The following ZMAT4 variants were observed in gnomAD, a reference collection of about 807,000 sequenced individuals.
ZMAT4 encodes zinc finger matrin-type protein 4.
ZMAT4 carries 17 observed loss-of-function variants against 28.7 expected under a neutral mutation model. The ratio of observed to expected loss-of-function variants is 0.59; its 90% CI spans 0.41 to 0.89. The LOEUF is 0.89. ZMAT4 is among the 40% of genes least tolerant of loss of function. ZMAT4 has a pLI of 0.00. For synonymous variants in ZMAT4, 117 were observed against 109.2 expected, an observed-to-expected ratio of 1.07 and a Z score of -0.44; for missense variants, 240 against 283.8, an observed-to-expected ratio of 0.85 and a Z score of 1.11.
chr8:40,803,611 C>T (rs1814948739), intron 2 of ZMAT4, among the ~76,000 whole-genome samples: 1 of 152,164 alleles, frequency 6.6e-6, no homozygotes, highest in Non-Finnish European at 1.5e-5. Flanking sequence ...GCATCAGGAG[C>T]TCTCATCATT....
intron 6 of ZMAT4, among the ~76,000 whole-genome samples, chr8:40,543,064 T>C (rs1156782286): frequency 6.6e-6 from 1 of 151,932 alleles, no homozygotes; most frequent in African/African-American, 2.4e-5. Flanking sequence ...AAATGACAAA[T>C]CCACAGATAG....
chr8:40,569,003 T>A (rs1233761869), intron 6 of ZMAT4, among the ~76,000 whole-genome samples: 1 of 152,170 alleles, frequency 6.6e-6, no homozygotes, highest in Non-Finnish European at 1.5e-5. Context: ...CTATAATCAC[T>A]TTGCATTGCC....
chr8:40,787,118 T>C (rs1170423119), intron 2 of ZMAT4, among the ~76,000 whole-genome samples: 1 of 152,238 alleles, frequency 6.6e-6, no homozygotes, highest in Non-Finnish European at 1.5e-5. Context: ...CCGTATTCAT[T>C]ATATGGAGAC....
chr8:40,612,805 G>GT lies in ZMAT4; in HGVS notation c.578-31545dup, dbSNP rs1491257030. Reference sequence around the variant, plus strand: ...CTACCCAGTCATTCTCTGTATTTTGGTTTTTGTTTTTTTTTTTTTTTTTTG... The same window carrying GT: ...CTACCCAGTCATTCTCTGTATTTTGGTTTTTTGTTTTTTTTTTTTTTTTTTG... On this transcript the variant is annotated intron_variant, in intron 5 of 6. Coordinates refer to ENST00000297737, the MANE Select transcript of ZMAT4 (RefSeq NM_024645.3). Among the ~76,000 whole-genome samples the GT allele has an allele frequency of 7.9e-3, 737 of 93,552 alleles. 80 individuals carry two copies. The highest frequency in any genetic ancestry group is 0.013 in the Non-Finnish European group (488 of 36,514). 61.4% of individuals were successfully genotyped at this position (93,552 alleles called of 152,430 possible). A position where few individuals can be genotyped will look rare whatever the true frequency, so the allele number is the denominator to read the frequency against.
intron 1 of ZMAT4, among the ~76,000 whole-genome samples, chr8:40,851,966 G>A (rs925119299): frequency 9.9e-5 from 15 of 151,968 alleles, no homozygotes; most frequent in Admixed American, 6.6e-4. Flanking sequence ...GCAAAATCTC[G>A]GCTCACTGCA....
intron 5 of ZMAT4, among the ~76,000 whole-genome samples, chr8:40,674,001 A>G (rs558537344): frequency 6.6e-6 from 1 of 150,630 alleles, no homozygotes; most frequent in South Asian, 2.1e-4. Flanking sequence ...AATTGAGTCA[A>G]TTTGTTGCTT....
chr8:40,588,685 G>A (rs1563353295), intron 5 of ZMAT4, among the ~76,000 whole-genome samples: 1 of 151,928 alleles, frequency 6.6e-6, no homozygotes, highest in East Asian at 1.9e-4. Context: ...TTGCAAAATG[G>A]AACAAATAAT....
intron 5 of ZMAT4, among the ~76,000 whole-genome samples, chr8:40,628,873 C>G (rs565065574): frequency 4.9e-4 from 75 of 152,246 alleles, no homozygotes; most frequent in African/African-American, 1.8e-3. Flanking sequence ...TACAGAATCA[C>G]TTCTATTAGA....
At chr8:40,792,493 AAGGAAGGAAGGAAGGAAGG>A in intron 2 of ZMAT4, among the ~76,000 whole-genome samples, 1 of 24,124 alleles carries the variant, frequency 4.1e-5, no homozygotes, top group East Asian at 7.5e-4. Context: ...GGAAGGAAGG[AAGGAAGGAAGGAAGGAAGG>A]AAGGAAGGAA....
intron 5 of ZMAT4, among the ~76,000 whole-genome samples, chr8:40,607,274 G>A (rs368778831): frequency 1.7e-3 from 263 of 151,520 alleles, no homozygotes; most frequent in Non-Finnish European, 2.7e-3. Context: ...ACAGGTGCCC[G>A]CCACCACCCC....
intron 5 of ZMAT4, among the ~76,000 whole-genome samples, chr8:40,592,826 C>T (rs1367705120): frequency 6.6e-6 from 1 of 152,168 alleles, no homozygotes; most frequent in Non-Finnish European, 1.5e-5. Flanking sequence ...AACATTTGAG[C>T]AAATCATCTT....
At chr8:40,740,785 C>T (rs1009718474) in intron 3 of ZMAT4, among the ~76,000 whole-genome samples, 2 of 152,096 alleles carry the variant, frequency 1.3e-5, no homozygotes, top group Non-Finnish European at 2.9e-5. Context: ...ATAAAACGAA[C>T]GAACTGGGGG....
intron 5 of ZMAT4, among the ~76,000 whole-genome samples, chr8:40,615,800 A>G (rs1805981624): frequency 6.6e-6 from 1 of 152,144 alleles, no homozygotes; most frequent in African/African-American, 2.4e-5. Flanking sequence ...GGACTTCTCT[A>G]CACTGATTAT....
chr8:40,649,157 A>G (rs2118804616), intron 5 of ZMAT4, among the ~76,000 whole-genome samples: 1 of 152,230 alleles, frequency 6.6e-6, no homozygotes, highest in Non-Finnish European at 1.5e-5. Flanking sequence ...AAGACCCATC[A>G]GTGTGCTGTA....
At chr8:40,688,920 TGTTGA>T (rs1809538355) in intron 4 of ZMAT4, among the ~76,000 whole-genome samples, 2 of 152,142 alleles carry the variant, frequency 1.3e-5, no homozygotes, top group Admixed American at 6.5e-5. Flanking sequence ...AATGGATTTG[TGTTGA>T]GTTGTCTGAG....
At chr8:40,705,458 C>T (rs1470697765) in intron 3 of ZMAT4, among the ~76,000 whole-genome samples, 2 of 152,084 alleles carry the variant, frequency 1.3e-5, no homozygotes, top group African/African-American at 2.4e-5. Context: ...TGTCTCTGAC[C>T]ACTATTCAAT....
intron 1 of ZMAT4, among the ~76,000 whole-genome samples, chr8:40,853,527 G>A (rs1439075262): frequency 6.6e-6 from 1 of 152,146 alleles, no homozygotes; most frequent in East Asian, 1.9e-4. Flanking sequence ...CTGCACTCCA[G>A]CCCGAGTGAC....
intron 5 of ZMAT4, among the ~76,000 whole-genome samples, chr8:40,660,953 G>A (rs1380256842): frequency 6.6e-6 from 1 of 152,140 alleles, no homozygotes; most frequent in African/African-American, 2.4e-5. Flanking sequence ...AAAAGAGAAA[G>A]CATGTCTTTT....
At chr8:40,661,792 G>A (rs1808208058) in intron 5 of ZMAT4, among the ~76,000 whole-genome samples, 1 of 152,140 alleles carries the variant, frequency 6.6e-6, no homozygotes, top group Non-Finnish European at 1.5e-5. Flanking sequence ...ACTATGCTGA[G>A]CTCCTGCAAA....
Sources: allele counts gnomAD v4.1 joint callset (sites outside exome capture counted in the v4.1 genomes callset), GRCh38; gene constraint gnomAD v4.1.1; transcripts MANE v1.5; gene names NCBI Gene and HGNC (gene_info 2026-07-23, HGNC 2026-07-21).